SAP30L: variants seen among roughly 807,000 people sequenced by gnomAD.
SAP30L encodes SAP30 like.
In SAP30L, 10 loss-of-function variants were observed where a neutral mutation model predicts 22.3. That is an observed-to-expected ratio of 0.45 (90% CI 0.28 to 0.76). The LOEUF is 0.76. Among genes scored for constraint, SAP30L ranks in the 30% least tolerant of loss-of-function variants. The pLI is 0.14. For missense variants in SAP30L, 206 were observed against 237.9 expected, an observed-to-expected ratio of 0.87 and a Z score of 0.88; for synonymous variants, 91 against 94.1, an observed-to-expected ratio of 0.97 and a Z score of 0.19.
chr5:154,449,572 C>A (rs1757096633), intron 1 of SAP30L, among the ~76,000 whole-genome samples: 1 of 152,216 alleles, frequency 6.6e-6, no homozygotes, highest in Admixed American at 6.5e-5. Flanking sequence ...AGCAGTTGAT[C>A]TGAGTGGACT....
chr5:154,456,563 C>CA lies in SAP30L; in HGVS notation c.*537dup, dbSNP rs1307989662. 6.5e-6 allele frequency: 1 copy of CA among 153,438 alleles called. No individual in the cohort carries two copies. Among genetic ancestry groups the CA allele is most frequent in the Non-Finnish European group, 1.5e-5 (1 of 68,836 alleles). The allele number at this position is 153,438 out of a possible 1,614,324, so 9.5% of individuals were successfully genotyped here. A position where few individuals can be genotyped will look rare whatever the true frequency, so the allele number is the denominator to read the frequency against. On this transcript the variant is annotated 3_prime_UTR_variant, in exon 4 of 4. Transcript: ENST00000297109. ...CTGTGCCTTGTACACAGTAGGCACT[C>CA]AATCAGTAGGTATTGGCTAATTGAG...
chr5:154,455,060 G>A (rs1167460122), intron 3 of SAP30L, among the ~76,000 whole-genome samples: 2 of 151,974 alleles, frequency 1.3e-5, no homozygotes, highest in Non-Finnish European at 2.9e-5. Context: ...TGGGATTACA[G>A]GTGCCTGTCA....
At position 154,446,511 on chromosome 5, in the gene SAP30L, T is replaced by C; in HGVS notation, c.-94T>C. 2 of 1,063,176 alleles carry C rather than the reference T, an allele frequency of 1.9e-6. No homozygotes were observed. The highest frequency in any genetic ancestry group is 2.5e-6 in the Non-Finnish European group (2 of 791,226). The allele number at this position is 1,063,176 out of a possible 1,614,324, so 65.9% of individuals were successfully genotyped here. A position where few individuals can be genotyped will look rare whatever the true frequency, so the allele number is the denominator to read the frequency against. On this transcript the variant is annotated 5_prime_UTR_variant, in exon 1 of 4. Coordinates refer to ENST00000297109, the MANE Select transcript of SAP30L (RefSeq NM_024632.6). ...GGAGACGGACTCTGGGACCCTCGGCTGCGGGGGTCTCAGCGACCTGCCCCG... is the reference window on the plus strand; with the variant it reads ...GGAGACGGACTCTGGGACCCTCGGCCGCGGGGGTCTCAGCGACCTGCCCCG...
rs746708999 is a variant in SAP30L at position 154,457,892 on chromosome 5, A to G, written c.*1864A>G. 3 of 152,206 alleles carry G rather than the reference A, an allele frequency of 2.0e-5. No homozygotes were observed. The highest frequency in any genetic ancestry group is 4.8e-5 in the African/African-American group (2 of 41,440). 9.4% of individuals were successfully genotyped at this position (152,206 alleles called of 1,614,324 possible). On this transcript the variant is annotated 3_prime_UTR_variant, in exon 4 of 4. Coordinates refer to ENST00000297109, the MANE Select transcript of SAP30L (RefSeq NM_024632.6). ...CTGAAGGATGTTGATACAGGCATCA[A>G]GAAGGCTGAGGGGCAGATGGGGCCT...
intron 3 of SAP30L, among the ~76,000 whole-genome samples, chr5:154,454,660 G>A (rs1757226596): frequency 6.6e-6 from 1 of 152,162 alleles, no homozygotes; most frequent in African/African-American, 2.4e-5. Flanking sequence ...TGACACACAG[G>A]AGGTCAGAAG....
chr5:154,459,292 C>CT lies in SAP30L; in HGVS notation c.*3264_*3265insT, dbSNP rs1344855342. 2.0e-5 allele frequency: 3 copies of CT among 152,256 alleles called. No homozygotes were observed. The highest frequency in any genetic ancestry group is 2.9e-5 in the Non-Finnish European group (2 of 68,052). The allele number at this position is 152,256 out of a possible 1,614,324, so 9.4% of individuals were successfully genotyped here. A position where few individuals can be genotyped will look rare whatever the true frequency, so the allele number is the denominator to read the frequency against. ...TAGGTGCTGACATTCTGCCTACAAC[C>CT]ATCCCACCAAGGGGTTGAGCAGTCT... On this transcript the variant is annotated 3_prime_UTR_variant, in exon 4 of 4. Coordinates refer to ENST00000297109, the MANE Select transcript of SAP30L (RefSeq NM_024632.6).
At chr5:154,454,716 C>G (rs968031372) in intron 3 of SAP30L, among the ~76,000 whole-genome samples, 10 of 152,174 alleles carry the variant, frequency 6.6e-5, no homozygotes, top group African/African-American at 2.4e-4. Context: ...AGTGTTCTCC[C>G]TGGTGGAAGG....
At position 154,457,284 on chromosome 5, in the gene SAP30L, C is replaced by A. The variant is rs1477518955; in HGVS notation, c.*1256C>A. The A allele has an allele frequency of 1.3e-5, 2 of 152,126 alleles. No homozygotes were observed. Among genetic ancestry groups the A allele is most frequent in the African/African-American group, 2.4e-5 (1 of 41,416 alleles). 9.4% of individuals were successfully genotyped at this position (152,126 alleles called of 1,614,324 possible). A position where few individuals can be genotyped will look rare whatever the true frequency, so the allele number is the denominator to read the frequency against. On this transcript the variant is annotated 3_prime_UTR_variant, in exon 4 of 4. Transcript: ENST00000297109. ...TCCAAAAATGTGCTTTTGCAAAATTCTTTAATCTGTGTAATGGAGGGCAGA... is the reference window on the plus strand; with the variant it reads ...TCCAAAAATGTGCTTTTGCAAAATTATTTAATCTGTGTAATGGAGGGCAGA...
chr5:154,447,963 CTTTTTCTTTTTTTTTTTTTTT>C (rs1172407218), intron 1 of SAP30L, among the ~76,000 whole-genome samples: 2 of 114,678 alleles, frequency 1.7e-5, no homozygotes, highest in Non-Finnish European at 3.6e-5. Context: ...TTTTTTTTTT[CTTTTTCTTTTTTTTTTTTTTT>C]TTTTTTTTTG....
At chr5:154,453,561 C>G (rs1757199095) in intron 3 of SAP30L, 61 bp downstream of exon 3, 3 of 1,082,442 alleles carry the variant, frequency 2.8e-6, no homozygotes, top group South Asian at 1.3e-5. Flanking sequence ...GATGGTTACC[C>G]TGATTCTCCC....
intron 2 of SAP30L, among the ~76,000 whole-genome samples, chr5:154,451,470 T>C (rs1757140140): frequency 6.6e-6 from 1 of 152,210 alleles, no homozygotes; most frequent in African/African-American, 2.4e-5. Context: ...GGCTCTAGTC[T>C]AGGGCCCTTT....
intron 2 of SAP30L, chr5:154,452,536 C>G: frequency 1.1e-6 from 1 of 928,536 alleles, no homozygotes; most frequent in Non-Finnish European, 1.3e-6. Flanking sequence ...TTCAATTTTT[C>G]ATGACTATGC....
intron 2 of SAP30L, 56 bp downstream of exon 2, chr5:154,451,269 C>T: frequency 1.3e-6 from 2 of 1,580,746 alleles, no homozygotes; most frequent in South Asian, 1.1e-5. Context: ...TAATCTGATT[C>T]TCACCTCTGG....
rs1757328938 is a variant in SAP30L at position 154,459,384 on chromosome 5, C to T, written c.*3356C>T. On this transcript the variant is annotated 3_prime_UTR_variant, in exon 4 of 4. Coordinates refer to ENST00000297109, the MANE Select transcript of SAP30L (RefSeq NM_024632.6). ...GGAGAAGCCTGTTCTTTGTAAACCTCTGGCTTTTCTATGTTCTCTGTAATT... is the reference window on the plus strand; with the variant it reads ...GGAGAAGCCTGTTCTTTGTAAACCTTTGGCTTTTCTATGTTCTCTGTAATT... 1 of 152,274 alleles carries T rather than the reference C, an allele frequency of 6.6e-6. No homozygotes were observed. The highest frequency in any genetic ancestry group is 2.4e-5 in the African/African-American group (1 of 41,480). 9.4% of individuals were successfully genotyped at this position (152,274 alleles called of 1,614,324 possible).
At position 154,456,247 on chromosome 5, in the gene SAP30L, A is replaced by T. The variant is rs1347356300; in HGVS notation, c.*219A>T. 2.7e-6 allele frequency: 1 copy of T among 371,042 alleles called. No individual in the cohort carries two copies. Among genetic ancestry groups the T allele is most frequent in the Non-Finnish European group, 4.8e-6 (1 of 208,618 alleles). The allele number at this position is 371,042 out of a possible 1,614,324, so 23.0% of individuals were successfully genotyped here. On this transcript the variant is annotated 3_prime_UTR_variant, in exon 4 of 4. Coordinates refer to ENST00000297109, the MANE Select transcript of SAP30L (RefSeq NM_024632.6). Reference sequence around the variant, plus strand: ...ATAACTCTGGACTAAAAAAATCAGGATCATTAAAAGAATTAAAAACTATGT... The same window carrying T: ...ATAACTCTGGACTAAAAAAATCAGGTTCATTAAAAGAATTAAAAACTATGT...
chr5:154,452,281 G>C (rs1407391650), intron 2 of SAP30L: 1 of 166,722 alleles, frequency 6.0e-6, no homozygotes. Context: ...TTCCAATGTT[G>C]GTTTACAGAA....
In SAP30L at chr5:154,450,895, G is replaced by A. The variant is rs144219046; in HGVS notation, c.202-196G>A. Among the ~76,000 whole-genome samples, 915 of 152,278 alleles carry A rather than the reference G, an allele frequency of 6.0e-3. 6 individuals are homozygous for A. The highest frequency in any genetic ancestry group is 0.015 in the South Asian group (74 of 4,826). On this transcript the variant is annotated intron_variant, in intron 1 of 3. Transcript: ENST00000297109. The stretch of plus-strand genomic sequence containing the variant: ...TCACTGGAAGTTTGGTGTATGATAC[G>A]CTGCCAAGTGTGATGTTAGCATTCT...
At position 154,450,951 on chromosome 5, in the gene SAP30L, C is replaced by T. The variant is rs1056472553; in HGVS notation, c.202-140C>T. On this transcript the variant is annotated intron_variant, in intron 1 of 3. Coordinates refer to ENST00000297109, the MANE Select transcript of SAP30L (RefSeq NM_024632.6). ...TGTTCTGCAACTCAGTAGTGAGCTT[C>T]TGGGAATGATGGCCTACATCTTGTC... The T allele has an allele frequency of 3.5e-5, 31 of 885,952 alleles. No homozygotes were observed. In the Admixed American group the frequency reaches 6.6e-4, roughly 19 times the overall value. The allele number at this position is 885,952 out of a possible 1,614,324, so 54.9% of individuals were successfully genotyped here. A position where few individuals can be genotyped will look rare whatever the true frequency, so the allele number is the denominator to read the frequency against.
chr5:154,455,951 G>T lies in SAP30L; in HGVS notation c.475G>T (p.Ala159Ser). Residue 159 changes from alanine to serine, a missense_variant, in exon 4 of 4, where the codon GCC (alanine) becomes TCC (serine). By Grantham distance (99) the Ala-to-Ser change is moderately conservative. Coordinates refer to ENST00000297109, the MANE Select transcript of SAP30L (RefSeq NM_024632.6). ...ACCTGTGAATGAAAAAGAGACCCTTGCCTACTTCATCTACATGGTGAAGAG... is the reference window on the plus strand; with the variant it reads ...ACCTGTGAATGAAAAAGAGACCCTTTCCTACTTCATCTACATGGTGAAGAG... ...NIPVNEKETLAYFIYMVKSNK... is the reference protein window; with the variant it reads ...NIPVNEKETLSYFIYMVKSNK... The T allele has an allele frequency of 6.2e-7, 1 of 1,614,114 alleles. No individual in the cohort carries two copies. The highest frequency in any genetic ancestry group is 8.5e-7 in the Non-Finnish European group (1 of 1,180,004).
Sources: allele counts gnomAD v4.1 joint callset (sites outside exome capture counted in the v4.1 genomes callset), GRCh38; gene constraint gnomAD v4.1.1; transcripts MANE v1.5; gene names NCBI Gene and HGNC (gene_info 2026-07-23, HGNC 2026-07-21).